The following B3GAT3 variants were observed in gnomAD, a reference collection of about 807,000 sequenced individuals.
B3GAT3 encodes galactosylgalactosylxylosylprotein 3-beta-glucuronosyltransferase 3.
Under a neutral mutation model 33.1 loss-of-function variants are expected in B3GAT3, and 19 were observed. The observed-to-expected ratio is 0.57, with a 90% CI of 0.40 to 0.84. The LOEUF (loss-of-function observed/expected upper bound fraction) is 0.84, where lower values mean the gene tolerates loss of function less well. B3GAT3 is among the 40% of genes least tolerant of loss of function. The pLI is 0.00. For synonymous variants in B3GAT3, 167 were observed against 193.5 expected (o/e 0.86, Z 1.14); for missense variants, 344 against 441.5 (o/e 0.78, Z 1.98).
rs539960574 is a variant in B3GAT3, at chr11:62,618,983, G to A, written c.257+1514C>T. Among the ~76,000 whole-genome samples the A allele has an allele frequency of 1.0e-3, 153 of 146,562 alleles. 2 individuals are homozygous for A. Among genetic ancestry groups the A allele is most frequent in the African/African-American group, 3.1e-3 (123 of 39,092 alleles). ...GGGCGACAGAGTGAGACTCCATCTC[G>A]GGAAAAAAAAAAAAAAAATTAGCCT... is the stretch of plus-strand genomic sequence containing the variant. On this transcript the variant is annotated intron_variant, in intron 2 of 4. Coordinates refer to ENST00000265471, the MANE Select transcript of B3GAT3 (RefSeq NM_012200.4).
At chr11:62,618,188 A>C (rs1381180902) in intron 2 of B3GAT3, among the ~76,000 whole-genome samples, 1 of 150,420 alleles carries the variant, frequency 6.6e-6, no homozygotes, top group African/African-American at 2.4e-5. Flanking sequence ...AAAAAAAAAA[A>C]AAAAAAAAAA....
intron 4 of B3GAT3, 119 bp downstream of exon 4, chr11:62,616,387 G>C: frequency 3.5e-6 from 5 of 1,427,910 alleles, no homozygotes; most frequent in Non-Finnish European, 4.9e-6. Flanking sequence ...CAGCAAGGCT[G>C]ATCAGAGATC....
chr11:62,621,830 G>T (rs758141388), intron 1 of B3GAT3, 36 bp downstream of exon 1: 2 of 1,581,346 alleles, frequency 1.3e-6, no homozygotes, highest in African/African-American at 1.4e-5. Context: ...GGCGCCCTCG[G>T]GCCAGCCCGC....
At chr11:62,616,062 T>C in intron 4 of B3GAT3, 1 of 1,053,974 alleles carries the variant, frequency 9.5e-7, no homozygotes, top group Non-Finnish European at 1.3e-6. Flanking sequence ...GCTAACACCG[T>C]GAAACCCCGT....
Position 62,615,553 on chromosome 11 carries a change from C to T in B3GAT3, c.*148G>A. Reference sequence around the variant, plus strand: ...GCAGGCTAGGGGAGGGGTGAAGCAGCAGGACCATGCCCTGGGCCTGGAGGG... The same window carrying T: ...GCAGGCTAGGGGAGGGGTGAAGCAGTAGGACCATGCCCTGGGCCTGGAGGG... On this transcript the variant is annotated 3_prime_UTR_variant, in exon 5 of 5. Coordinates refer to ENST00000265471, the MANE Select transcript of B3GAT3 (RefSeq NM_012200.4). 1 of 1,412,446 alleles carries T rather than the reference C, an allele frequency of 7.1e-7. No individual in the cohort carries two copies. The highest frequency in any genetic ancestry group is 9.6e-7 in the Non-Finnish European group (1 of 1,045,278). The allele number at this position is 1,412,446 out of a possible 1,614,324, so 87.5% of individuals were successfully genotyped here.
chr11:62,617,499 A>C, intron 2 of B3GAT3, 152 bp from the exon 3 acceptor site: 1 of 1,007,388 alleles, frequency 9.9e-7, no homozygotes, highest in Non-Finnish European at 1.5e-6. Context: ...TGTCAACTTC[A>C]TGCTAACACT....
Position 62,615,818 on chromosome 11 carries a change from A to G in B3GAT3, c.910-19T>C. On this transcript the variant is annotated intron_variant, in intron 4 of 4. Transcript: ENST00000265471. ...CCAGTACCTGTGCCAGGAGGGATGC[A>G]GTGAGAGCCAGGCCCAGCTGCAGCC... The G allele has an allele frequency of 6.2e-7, 1 of 1,612,318 alleles. No individual in the cohort carries two copies.
At position 62,615,817 on chromosome 11, in the gene B3GAT3, C is replaced by T. The variant is rs745422107; in HGVS notation, c.910-18G>A. ...ACCAGTACCTGTGCCAGGAGGGATG[C>T]AGTGAGAGCCAGGCCCAGCTGCAGC... On this transcript the variant is annotated intron_variant, in intron 4 of 4. Transcript: ENST00000265471. The T allele has an allele frequency of 2.4e-5, 39 of 1,612,158 alleles. No individual in the cohort carries two copies. In the South Asian group the frequency reaches 4.3e-4, roughly 18 times the overall value.
chr11:62,619,113 T>C (rs1306390222), intron 2 of B3GAT3, among the ~76,000 whole-genome samples: 3 of 151,268 alleles, frequency 2.0e-5, no homozygotes, highest in Non-Finnish European at 4.4e-5. Flanking sequence ...ATCACACCAC[T>C]GCACTCCAGC....
At chr11:62,617,438 G>A (rs939171943) in intron 2 of B3GAT3, 91 bp from the exon 3 acceptor site, 10 of 1,566,670 alleles carry the variant, frequency 6.4e-6, no homozygotes, top group Non-Finnish European at 8.7e-6. Flanking sequence ...GCCACTGCCT[G>A]CGTCTCCTGT....
chr11:62,616,562 GAA>G lies in B3GAT3; in HGVS notation c.851_852del (p.Leu284ProfsTer50). 2 of 1,614,234 alleles carry G rather than the reference GAA, an allele frequency of 1.2e-6. No individual in the cohort carries two copies. Among genetic ancestry groups the G allele is most frequent in the Non-Finnish European group, 1.7e-6 (2 of 1,180,048 alleles). Reference protein sequence around the residue: ...TAPRGHLESSLLSHLVDPKDL... With the variant: ...TAPRGHLESSXLSHLVDPKDL... ...TCCTTGGGATCCACAAGGTGGCTCA[GAA>G]GACTGCTCTCCAGGTGGCCCCGGGG... is the stretch of plus-strand genomic sequence containing the variant. On this transcript the variant is annotated frameshift_variant, in exon 4 of 5. Coordinates refer to ENST00000265471, the MANE Select transcript of B3GAT3 (RefSeq NM_012200.4). LOFTEE classifies it high-confidence loss of function.
chr11:62,620,407 A>G lies in B3GAT3; in HGVS notation c.257+90T>C, dbSNP rs1215400482. On this transcript the variant is annotated intron_variant, in intron 2 of 4. Coordinates refer to ENST00000265471, the MANE Select transcript of B3GAT3 (RefSeq NM_012200.4). ...TTTGGCATGCTCTAGTTTGAGGAAC[A>G]ACTCCTAGCCCAGTGCCTCCCCAAA... 9 of 1,231,626 alleles carry G rather than the reference A, an allele frequency of 7.3e-6. No homozygotes were observed. In the East Asian group the frequency reaches 1.9e-4, roughly 26 times the overall value. 76.3% of individuals were successfully genotyped at this position (1,231,626 alleles called of 1,614,324 possible). A position where few individuals can be genotyped will look rare whatever the true frequency, so the allele number is the denominator to read the frequency against.
At chr11:62,619,075 CG>C (rs1565077601) in intron 2 of B3GAT3, among the ~76,000 whole-genome samples, 5 of 151,666 alleles carry the variant, frequency 3.3e-5, no homozygotes, top group Admixed American at 1.3e-4. Context: ...CGCTTGAACC[CG>C]GGAGGTGGAG....
chr11:62,620,587 G>A lies in B3GAT3; in HGVS notation c.167C>T (p.Ala56Val), dbSNP rs147526003. 246 of 1,612,344 alleles carry A rather than the reference G, an allele frequency of 1.5e-4. No homozygotes were observed. The highest frequency in any genetic ancestry group is 3.3e-4 in the Middle Eastern group (2 of 5,986). Residue 56 changes from alanine to valine, a missense_variant, in exon 2 of 5, where the codon GCG becomes GTG. Physicochemically the swap from Ala to Val is moderately conservative, Grantham distance 64. Coordinates refer to ENST00000265471, the MANE Select transcript of B3GAT3 (RefSeq NM_012200.4). ...GGCAGGGGGTGGCCGTCGGAGTTCCGCTTGCAGCTGGGAAATCCTCAGATC... is the reference window on the plus strand; with the variant it reads ...GGCAGGGGGTGGCCGTCGGAGTTCCACTTGCAGCTGGGAAATCCTCAGATC... ...QKDLRISQLQ[A>V]ELRRPPPAPA... is the part of the protein sequence containing the mutation.
In B3GAT3 at chr11:62,617,228, G is replaced by T. The variant is rs1435654378; in HGVS notation, c.377C>A (p.Ala126Asp). 6.2e-7 allele frequency: 1 copy of T among 1,613,654 alleles called. No individual in the cohort carries two copies. Residue 126 changes from alanine to aspartate, a missense_variant, in exon 3 of 5, where the codon GCT (alanine) becomes GAT (aspartate). Physicochemically the swap from Ala to Asp is moderately radical, Grantham distance 126. Transcript: ENST00000265471. ...GTGTGTGAAGAGGAGGCCAGAGGCA[G>T]CCAGCAGCCCTGAGACCAGCGGGGT... ...GPTPLVSGLLAASGLLFTHLV... is the reference protein window; with the variant it reads ...GPTPLVSGLLDASGLLFTHLV...
chr11:62,620,744 G>GC, intron 1 of B3GAT3, 73 bp from the exon 2 acceptor site: 2 of 1,436,632 alleles, frequency 1.4e-6, no homozygotes, highest in Non-Finnish European at 1.9e-6. Context: ...ATCCCAAAGG[G>GC]CCGTAATCGT....
chr11:62,620,385 G>T, intron 2 of B3GAT3, 112 bp downstream of exon 2: 1 of 987,772 alleles, frequency 1.0e-6, no homozygotes, highest in Non-Finnish European at 1.6e-6. Flanking sequence ...TCCTGTCTTT[G>T]GCATGCTCTA....
chr11:62,620,408 ACTC>A (rs1201320296), intron 2 of B3GAT3, 86 bp downstream of exon 2: 1 of 1,247,986 alleles, frequency 8.0e-7, no homozygotes, highest in Non-Finnish European at 1.2e-6. Flanking sequence ...TTGAGGAACA[ACTC>A]CTAGCCCAGT....
At chr11:62,618,177 C>CAAAAAAAAA (rs150492409) in intron 2 of B3GAT3, among the ~76,000 whole-genome samples, 3 of 46,278 alleles carry the variant, frequency 6.5e-5, no homozygotes, top group African/African-American at 1.0e-4. Context: ...AACTCTGTCT[C>CAAAAAAAAA]AAAAAAAAAA....
Sources: allele counts gnomAD v4.1 joint callset (sites outside exome capture counted in the v4.1 genomes callset), GRCh38; gene constraint gnomAD v4.1.1; transcripts MANE v1.5; gene names NCBI Gene and HGNC (gene_info 2026-07-23, HGNC 2026-07-21).